CSMD3: variants seen among roughly 807,000 people sequenced by gnomAD.
CSMD3 encodes the protein CUB and Sushi multiple domains 3, also known as CUB and sushi domain-containing protein 3.
In CSMD3, 177 loss-of-function variants were observed where a neutral mutation model predicts 435.2. The observed-to-expected ratio is 0.41, with a 90% confidence interval of 0.36 to 0.46. The LOEUF (loss-of-function observed/expected upper bound fraction) is 0.46. Among genes scored for constraint, CSMD3 ranks in the 20% least tolerant of loss-of-function variants. The pLI, the probability that CSMD3 is intolerant of heterozygous loss-of-function variation, is 0.34. For synonymous variants in CSMD3, 1,656 were observed against 1,520.5 expected (o/e 1.09, Z -2.07); for missense variants, 4,265 against 4,504.6 (o/e 0.95, Z 1.52).
At chr8:112,468,009 C>T (rs920940487) in intron 32 of CSMD3, among the ~76,000 whole-genome samples, 1 of 152,070 alleles carries the variant, frequency 6.6e-6, no homozygotes, top group African/African-American at 2.4e-5. Flanking sequence ...AATACATCCT[C>T]TTTTACAGAT....
At chr8:113,372,498 G>A (rs1318509249) in intron 1 of CSMD3, among the ~76,000 whole-genome samples, 2 of 152,118 alleles carry the variant, frequency 1.3e-5, no homozygotes, top group Non-Finnish European at 2.9e-5. Flanking sequence ...TTTATGTCCT[G>A]ATTTTGATGC....
intron 63 of CSMD3, among the ~76,000 whole-genome samples, chr8:112,249,346 G>A (rs1343337702): frequency 1.4e-5 from 2 of 143,078 alleles, no homozygotes; most frequent in African/African-American, 5.1e-5. Context: ...ATCACCAAAA[G>A]GACTTTATGA....
Position 112,503,857 on chromosome 8 carries a change from A to G in CSMD3, c.5016T>C (p.Asn1672=). ...KLPERIESSS[N]TMHLAFRSDG... ...CACTCCGAAAAGCCAAATGCATTGT[A>G]TTTGAGCTGCTTTCTATTCTCTCTG... The change falls in exon 30 of 71, where the codon AAT becomes AAC. Residue 1672 remains asparagine, a synonymous_variant. Transcript: ENST00000297405. 6.2e-7 allele frequency: 1 copy of G among 1,613,278 alleles called. No homozygotes were observed. The highest frequency in any genetic ancestry group is 1.1e-5 in the South Asian group (1 of 91,052).
At chr8:113,323,102 T>G (rs1425219855) in intron 1 of CSMD3, among the ~76,000 whole-genome samples, 2 of 152,154 alleles carry the variant, frequency 1.3e-5, no homozygotes, top group Admixed American at 1.3e-4. Context: ...TCTTACCCCA[T>G]TTCAGTAACT....
intron 70 of CSMD3, among the ~76,000 whole-genome samples, chr8:112,226,967 C>T (rs1812628311): frequency 6.6e-6 from 1 of 152,082 alleles, no homozygotes; most frequent in South Asian, 2.1e-4. Flanking sequence ...TTATCCATTG[C>T]CGATAGGAAT....
At chr8:112,903,795 C>T (rs1460308065) in intron 10 of CSMD3, among the ~76,000 whole-genome samples, 2 of 151,242 alleles carry the variant, frequency 1.3e-5, no homozygotes, top group Non-Finnish European at 3.0e-5. Flanking sequence ...CAAAGTAAAA[C>T]ACTTGTTCAC....
rs2130936023 is a variant in CSMD3, at chr8:112,976,148, C to T, written c.1031G>A (p.Gly344Asp). The change falls in exon 7 of 71, where the codon GGT (glycine) becomes GAT (aspartate). Residue 344 changes from glycine to aspartate, a missense_variant and splice_region_variant. Gly to Asp is a moderately conservative substitution (Grantham distance 94). This residue lies in a region of CSMD3 where 731 missense variants were observed against 755.4 expected (regional missense o/e 0.97). Coordinates refer to ENST00000297405, the MANE Select transcript of CSMD3 (RefSeq NM_198123.2). ...GGTAGTGTGGGTCAATGTAGAAGAACCTGTGGGACACAGTAGCACTAGATG... is the reference window on the plus strand; with the variant it reads ...GGTAGTGTGGGTCAATGTAGAAGAATCTGTGGGACACAGTAGCACTAGATG... Reference protein sequence around the residue: ...RYRGFSAPYQGSSTLTHTTST... With the variant: ...RYRGFSAPYQDSSTLTHTTST... The T allele has an allele frequency of 5.0e-6, 8 of 1,613,860 alleles. No homozygotes were observed. Among genetic ancestry groups the T allele is most frequent in the African/African-American group, 1.3e-5 (1 of 75,028 alleles).
chr8:112,648,357 G>A (rs1341901968), intron 19 of CSMD3, among the ~76,000 whole-genome samples: 1 of 152,078 alleles, frequency 6.6e-6, no homozygotes, highest in African/African-American at 2.4e-5. Context: ...TTGTCCAGTT[G>A]CACTCAACAT....
At chr8:113,295,275 C>T (rs1192568498) in intron 2 of CSMD3, among the ~76,000 whole-genome samples, 4 of 152,074 alleles carry the variant, frequency 2.6e-5, no homozygotes, top group South Asian at 4.1e-4. Flanking sequence ...GTGGTTTGCT[C>T]AATCCTGTTT....
chr8:112,749,538 A>C (rs563582766), intron 13 of CSMD3, among the ~76,000 whole-genome samples: 20 of 152,284 alleles, frequency 1.3e-4, no homozygotes, highest in Non-Finnish European at 2.9e-4. Context: ...ACTCAATTCA[A>C]GATGGAGTAA....
chr8:112,589,957 C>G (rs145020488), intron 22 of CSMD3, among the ~76,000 whole-genome samples: 290 of 152,006 alleles, frequency 1.9e-3, no homozygotes, highest in Middle Eastern at 0.01. Flanking sequence ...CAGTCAGGTG[C>G]TATAAGGAAT....
intron 23 of CSMD3, among the ~76,000 whole-genome samples, chr8:112,580,120 C>G (rs959243334): frequency 1.3e-5 from 2 of 151,960 alleles, no homozygotes; most frequent in Non-Finnish European, 2.9e-5. Flanking sequence ...TAGTATTTCT[C>G]ATTGGTATTC....
At chr8:112,853,321 G>A (rs1325141153) in intron 11 of CSMD3, among the ~76,000 whole-genome samples, 2 of 152,122 alleles carry the variant, frequency 1.3e-5, no homozygotes, top group African/African-American at 4.8e-5. Context: ...TGCCTCCCGG[G>A]TTCAAGCAAT....
intron 3 of CSMD3, among the ~76,000 whole-genome samples, chr8:113,256,000 T>G (rs1436457293): frequency 6.6e-6 from 1 of 152,048 alleles, no homozygotes; most frequent in African/African-American, 2.4e-5. Flanking sequence ...ATGAAAATAC[T>G]TACAATTTTC....
intron 54 of CSMD3, 128 bp downstream of exon 54, chr8:112,295,705 T>C (rs1389663700): frequency 1.3e-6 from 1 of 778,704 alleles, no homozygotes; most frequent in East Asian, 2.7e-5. Flanking sequence ...AGTATCAAAT[T>C]GGATTGTGGA....
In CSMD3 at chr8:112,346,080, GT is replaced by G. The variant is rs750866255; in HGVS notation, c.6442+16del. 7.8e-7 allele frequency: 1 copy of G among 1,288,072 alleles called. No individual in the cohort carries two copies. The highest frequency in any genetic ancestry group is 1.1e-6 in the Non-Finnish European group (1 of 882,372). 79.8% of individuals were successfully genotyped at this position (1,288,072 alleles called of 1,614,324 possible). On this transcript the variant is annotated intron_variant, in intron 41 of 70. Coordinates refer to ENST00000297405, the MANE Select transcript of CSMD3 (RefSeq NM_198123.2). Reference sequence around the variant, plus strand: ...ATAAATATTGAAAGCTCTTTCACGTGTTTTTAATACACATACCAAAACCTAT... The same window carrying G: ...ATAAATATTGAAAGCTCTTTCACGTGTTTTAATACACATACCAAAACCTAT...
chr8:112,906,683 C>T (rs2082272784), intron 10 of CSMD3, among the ~76,000 whole-genome samples: 1 of 151,432 alleles, frequency 6.6e-6, no homozygotes, highest in South Asian at 2.1e-4. Context: ...CCTAAGGATT[C>T]CTCACTAGCT....
chr8:113,409,176 G>A (rs540946223), intron 1 of CSMD3, among the ~76,000 whole-genome samples: 8 of 142,934 alleles, frequency 5.6e-5, no homozygotes, highest in East Asian at 2.3e-4. Flanking sequence ...CTCCGCCTCC[G>A]GGTTCAAGCA....
chr8:113,218,103 C>CAT (rs3048832), intron 3 of CSMD3, among the ~76,000 whole-genome samples: 48,119 of 146,678 alleles, frequency 0.33, 8,667 homozygotes, highest in African/African-American at 0.5. Flanking sequence ...ATATGCTATT[C>CAT]ATATATATAT....
Sources: allele counts gnomAD v4.1 joint callset (sites outside exome capture counted in the v4.1 genomes callset), GRCh38; gene constraint gnomAD v4.1.1; regional missense constraint gnomAD v4.1.1; transcripts MANE v1.5; gene names NCBI Gene and HGNC (gene_info 2026-07-23, HGNC 2026-07-21).